Variants in PDE8B observed in about 807,000 individuals in gnomAD.
PDE8B encodes the protein phosphodiesterase 8B.
A neutral mutation model predicts 101.3 loss-of-function variants in PDE8B; 26 were observed. The ratio of observed to expected loss-of-function variants is 0.26; its 90% CI spans 0.19 to 0.36. The LOEUF (loss-of-function observed/expected upper bound fraction) is 0.36. PDE8B is among the 10% of genes least tolerant of loss of function. The pLI is 1.00. For missense variants in PDE8B, 810 were observed against 1,163.1 expected (o/e 0.70, Z 4.42); for synonymous variants, 424 against 429.3 (o/e 0.99, Z 0.15).
chr5:77,103,079 G>A, the PDE8B span, among the ~76,000 whole-genome samples: 6 of 152,184 alleles, frequency 3.9e-5, no homozygotes, highest in South Asian at 2.1e-4. Flanking sequence ...CTTCAGTGAC[G>A]AATGCCCTAT....
chr5:77,397,556 A>G (rs1167813325), intron 10 of PDE8B, among the ~76,000 whole-genome samples: 1 of 152,186 alleles, frequency 6.6e-6, no homozygotes, highest in Non-Finnish European at 1.5e-5. Flanking sequence ...GAAGATCTAC[A>G]TCTCTAAGGC....
chr5:77,223,939 T>C (rs1751767572), intron 1 of PDE8B, among the ~76,000 whole-genome samples: 1 of 152,232 alleles, frequency 6.6e-6, no homozygotes, highest in Admixed American at 6.5e-5. Context: ...ATGTTACTGC[T>C]TTATCTTTTT....
intron 1 of PDE8B, among the ~76,000 whole-genome samples, chr5:77,260,443 C>G (rs773925429): frequency 3.3e-5 from 5 of 152,148 alleles, no homozygotes; most frequent in Non-Finnish European, 7.4e-5. Flanking sequence ...CTTCTGAAAA[C>G]TTTTATGTCA....
At chr5:77,270,163 A>C (rs937741727) in intron 1 of PDE8B, among the ~76,000 whole-genome samples, 2 of 152,146 alleles carry the variant, frequency 1.3e-5, no homozygotes, top group African/African-American at 4.8e-5. Flanking sequence ...AGTGTTTTAC[A>C]GTTTTAATTG....
At chr5:77,091,875 G>C in the PDE8B span, among the ~76,000 whole-genome samples, 1 of 152,276 alleles carries the variant, frequency 6.6e-6, no homozygotes, top group South Asian at 2.1e-4. Context: ...GTTCATAGAG[G>C]AGTTTTTAGT....
chr5:77,240,375 G>C (rs1353822695), intron 1 of PDE8B, among the ~76,000 whole-genome samples: 1 of 151,974 alleles, frequency 6.6e-6, no homozygotes, highest in African/African-American at 2.4e-5. Context: ...GGATGGTCTT[G>C]ATCTCCTGAC....
At position 77,413,333 on chromosome 5, in the gene PDE8B, A is replaced by G. The variant is rs75312340; in HGVS notation, c.1911+24A>G. The G allele has an allele frequency of 4.7e-4, 749 of 1,586,496 alleles. 1 individual carries two copies. The African/African-American group carries it at 8.8e-3, about 19-fold the overall frequency. Reference sequence around the variant, plus strand: ...AGGTAGGATTTTGATATCATGACCTAGTTACCTGCCTGGATTGGAGATCCA... The same window carrying G: ...AGGTAGGATTTTGATATCATGACCTGGTTACCTGCCTGGATTGGAGATCCA... On this transcript the variant is annotated intron_variant, in intron 17 of 21. Coordinates refer to ENST00000264917, the MANE Select transcript of PDE8B (RefSeq NM_003719.5).
chr5:77,202,452 C>T, the PDE8B span, among the ~76,000 whole-genome samples: 1 of 152,118 alleles, frequency 6.6e-6, no homozygotes, highest in Non-Finnish European at 1.5e-5. Flanking sequence ...AATGATGATC[C>T]ATTTTCACTT....
At chr5:77,395,163 C>A (rs1178213391) in intron 10 of PDE8B, among the ~76,000 whole-genome samples, 1 of 151,984 alleles carries the variant, frequency 6.6e-6, no homozygotes, top group Non-Finnish European at 1.5e-5. Flanking sequence ...GTCACCCAGG[C>A]TGGAGTGCAG....
At chr5:77,397,026 A>ATTTCTTTTTTTTTTTTTTTTTTTT (rs1791208736) in intron 10 of PDE8B, among the ~76,000 whole-genome samples, 1 of 84,420 alleles carries the variant, frequency 1.2e-5, no homozygotes, top group Admixed American at 1.6e-4. Flanking sequence ...CCGATAAGAA[A>ATTTCTTTTTTTTTTTTTTTTTTTT]TTTTTTTTTT....
chr5:77,419,221 A>G (rs1220507823), intron 18 of PDE8B, among the ~76,000 whole-genome samples: 1 of 152,242 alleles, frequency 6.6e-6, no homozygotes, highest in Non-Finnish European at 1.5e-5. Flanking sequence ...TCTTGAAGTT[A>G]GAAAACGACG....
chr5:77,201,015 A>C, the PDE8B span, among the ~76,000 whole-genome samples: 3 of 152,222 alleles, frequency 2.0e-5, no homozygotes, highest in African/African-American at 7.2e-5. Context: ...TAGCAGCCAC[A>C]GTGTAAGAAG....
At chr5:77,115,128 T>C in the PDE8B span, 1 of 152,318 alleles carries the variant, frequency 6.6e-6, no homozygotes, top group Non-Finnish European at 1.5e-5. Context: ...GCTTCCAAAG[T>C]AGTGATAAAG....
chr5:77,426,044 C>A, intron 21 of PDE8B, 148 bp downstream of exon 21: 1 of 719,836 alleles, frequency 1.4e-6, no homozygotes, highest in Non-Finnish European at 2.4e-6. Context: ...GGGTGGGGTG[C>A]ATTCTTTGCA....
the PDE8B span, among the ~76,000 whole-genome samples, chr5:77,160,385 T>G: frequency 6.6e-6 from 1 of 152,026 alleles, no homozygotes; most frequent in Non-Finnish European, 1.5e-5. Flanking sequence ...GACAGGAAAA[T>G]TTGGCTGTTA....
the PDE8B span, among the ~76,000 whole-genome samples, chr5:77,197,050 C>A: frequency 1.1e-4 from 16 of 145,940 alleles, no homozygotes; most frequent in South Asian, 3.5e-3. Context: ...GTATTTTTAT[C>A]TTTGTTTATT....
chr5:77,346,462 C>A (rs768032219), intron 7 of PDE8B, among the ~76,000 whole-genome samples: 4 of 152,212 alleles, frequency 2.6e-5, no homozygotes, highest in Non-Finnish European at 5.9e-5. Flanking sequence ...CACTAGCCGC[C>A]CCTCCACCTG....
the PDE8B span, chr5:77,140,311 C>T: frequency 6.6e-6 from 1 of 152,074 alleles, no homozygotes; most frequent in Non-Finnish European, 1.5e-5. Flanking sequence ...ACACTGTAGC[C>T]CTCAGGAACT....
At chr5:77,126,699 C>T in the PDE8B span, among the ~76,000 whole-genome samples, 2 of 152,114 alleles carry the variant, frequency 1.3e-5, no homozygotes, top group South Asian at 2.1e-4. Flanking sequence ...GGATTACAGG[C>T]GTGAGCCACA....
Sources: gnomAD v4.1 joint callset for allele counts (sites outside exome capture counted in the v4.1 genomes callset) on GRCh38, gnomAD v4.1.1 for gene constraint, MANE v1.5 for transcripts, NCBI Gene and HGNC (gene_info 2026-07-23, HGNC 2026-07-21) for gene names.